Variants in USP20 observed in about 807,000 individuals in gnomAD.
The protein encoded by USP20 is ubiquitin specific peptidase 20.
USP20 carries 80 observed loss-of-function variants against 124.2 expected under a neutral mutation model. That is an observed-to-expected ratio of 0.64 (90% CI 0.54 to 0.78). USP20 has a LOEUF of 0.78. USP20 is among the 30% of genes least tolerant of loss of function. The pLI, the probability that USP20 is intolerant of heterozygous loss-of-function variation, is 0.00. For synonymous variants in USP20, 481 were observed against 512.3 expected (o/e 0.94, Z 0.83); for missense variants, 1,043 against 1,244.4 (o/e 0.84, Z 2.44).
chr9:129,870,661 A>G (rs2034077606), intron 15 of USP20, 114 bp downstream of exon 15: 3 of 1,214,920 alleles, frequency 2.5e-6, no homozygotes, highest in Non-Finnish European at 3.5e-6. Context: ...CAGCCAGGCT[A>G]GACTTGGCTT....
intron 1 of USP20, among the ~76,000 whole-genome samples, chr9:129,837,745 G>A (rs1365743203): frequency 6.6e-6 from 1 of 152,174 alleles, no homozygotes; most frequent in East Asian, 1.9e-4. Context: ...TAAAATTAGC[G>A]CATTCTGGTT....
chr9:129,876,477 A>G (rs1166120421), intron 22 of USP20, among the ~76,000 whole-genome samples: 3 of 152,244 alleles, frequency 2.0e-5, no homozygotes, highest in East Asian at 1.9e-4. Context: ...CGTCTCTACT[A>G]AAAATACAAA....
At chr9:129,868,778 G>GA in intron 11 of USP20, 84 bp from the exon 12 acceptor site, 1 of 1,495,864 alleles carries the variant, frequency 6.7e-7, no homozygotes, top group East Asian at 2.3e-5. Context: ...GTCCCTTTAG[G>GA]AGGGGCTGGC....
At chr9:129,869,567 G>T (rs748495359) in intron 13 of USP20, 105 bp from the exon 14 acceptor site, 39 of 1,553,164 alleles carry the variant, frequency 2.5e-5, no homozygotes, top group Middle Eastern at 1.7e-4. Flanking sequence ...TGGATCCCGT[G>T]TCTATGGCCT....
At chr9:129,846,257 T>A (rs1358313979) in intron 1 of USP20, among the ~76,000 whole-genome samples, 7 of 118,290 alleles carry the variant, frequency 5.9e-5, no homozygotes, top group Admixed American at 1.7e-4. Flanking sequence ...ATTTTTTTTT[T>A]TTTTTTTTTT....
rs148369043 is a variant in USP20, at chr9:129,837,948, T to A, written c.-129+2449T>A. ...AACAGTGATGAAAGAGCCAGGCTGT[T>A]CTTAGCCTTTTACCTTAGCAAGACA... On this transcript the variant is annotated intron_variant, in intron 1 of 25. Transcript: ENST00000372429. Among the ~76,000 whole-genome samples the A allele has an allele frequency of 4.8e-3, 734 of 152,292 alleles. 1 individual carries two copies. The highest frequency in any genetic ancestry group is 8.7e-3 in the Admixed American group (133 of 15,292).
intron 2 of USP20, among the ~76,000 whole-genome samples, chr9:129,851,997 C>T (rs999264149): frequency 8.2e-5 from 12 of 146,770 alleles, no homozygotes; most frequent in East Asian, 1.9e-4. Flanking sequence ...AACCTCACTC[C>T]GCAGGGGGCT....
intron 19 of USP20, 143 bp from the exon 20 acceptor site, chr9:129,875,167 T>G: frequency 8.1e-7 from 1 of 1,229,082 alleles, no homozygotes; most frequent in Non-Finnish European, 1.1e-6. Flanking sequence ...CACAGGGGGC[T>G]GCTCACATGT....
chr9:129,866,062 CG>C (rs1286055587), intron 10 of USP20, among the ~76,000 whole-genome samples: 14 of 152,342 alleles, frequency 9.2e-5, no homozygotes, highest in Admixed American at 9.1e-4. Flanking sequence ...ACCTCAGCCC[CG>C]GGCTGATGGC....
At chr9:129,837,188 CT>C (rs1186740738) in intron 1 of USP20, among the ~76,000 whole-genome samples, 1 of 152,202 alleles carries the variant, frequency 6.6e-6, no homozygotes, top group Non-Finnish European at 1.5e-5. Flanking sequence ...TGCCAAGAGA[CT>C]GCAGCCCAAG....
At chr9:129,870,288 G>C in intron 14 of USP20, 165 bp from the exon 15 acceptor site, 2 of 652,618 alleles carry the variant, frequency 3.1e-6, no homozygotes, top group South Asian at 1.9e-5. Context: ...GGACACGGAC[G>C]TGTCTGGCTC....
intron 14 of USP20, 90 bp downstream of exon 14, chr9:129,869,934 T>C: frequency 6.6e-7 from 1 of 1,507,362 alleles, no homozygotes; most frequent in South Asian, 1.2e-5. Context: ...AGTCCATGCA[T>C]TTGGGGAACC....
intron 10 of USP20, among the ~76,000 whole-genome samples, chr9:129,866,045 C>T (rs76311689): frequency 0.013 from 2,012 of 152,312 alleles, 20 homozygotes; most frequent in Middle Eastern, 0.024. Context: ...AGTGCAGCCA[C>T]GCGTACACCT....
Position 129,868,928 on chromosome 9 carries a change from G to A in USP20, c.1202G>A (p.Gly401Asp). The A allele has an allele frequency of 1.2e-6, 2 of 1,612,528 alleles. No individual in the cohort carries two copies. Among genetic ancestry groups the A allele is most frequent in the Non-Finnish European group, 1.7e-6 (2 of 1,179,224 alleles). The change falls in exon 12 of 26, where the codon GGC (glycine) becomes GAC (aspartate). Residue 401 changes from glycine to aspartate, a missense_variant. Coordinates refer to ENST00000372429, the MANE Select transcript of USP20 (RefSeq NM_001110303.4). ...TGCAGCCCCGTCCACCACCACGAGG[G>A]CCATGCCAAGCTGTCTAGCAGCCCC... ...RPCSPVHHHE[G>D]HAKLSSSPPR...
chr9:129,848,990 G>A (rs1486975807), intron 1 of USP20, among the ~76,000 whole-genome samples: 1 of 152,256 alleles, frequency 6.6e-6, no homozygotes, highest in Non-Finnish European at 1.5e-5. Flanking sequence ...TAGTGGCAAT[G>A]TGTGGATGAG....
chr9:129,846,247 A>ATATATATATGTATTTT (rs1554742656), intron 1 of USP20, among the ~76,000 whole-genome samples: 2 of 32,684 alleles, frequency 6.1e-5, no homozygotes. Context: ...ATATATATAT[A>ATATATATATGTATTTT]TTTTTTTTTT....
rs578239778 is a variant in USP20 at position 129,853,345 on chromosome 9, C to A, written c.81+709C>A. The stretch of plus-strand genomic sequence containing the variant: ...CTCTTTGGACATCAGTGCATAGAGA[C>A]AGCTTTCACATTTGTTACCTTGAAG... On this transcript the variant is annotated intron_variant, in intron 3 of 25. Coordinates refer to ENST00000372429, the MANE Select transcript of USP20 (RefSeq NM_001110303.4). Among the ~76,000 whole-genome samples the A allele has an allele frequency of 3.9e-5, 6 of 152,352 alleles. No individual in the cohort carries two copies. The South Asian group carries it at 1.2e-3, about 32-fold the overall frequency.
intron 1 of USP20, among the ~76,000 whole-genome samples, chr9:129,840,032 T>A (rs544135519): frequency 6.6e-6 from 1 of 152,244 alleles, no homozygotes; most frequent in African/African-American, 2.4e-5. Context: ...GTCTCAGGCC[T>A]TCCTCCCCCC....
rs1292821727 is a variant in USP20 at position 129,875,337 on chromosome 9, G to GC, written c.2077dup (p.Arg693ProfsTer152). 6.2e-7 allele frequency: 1 copy of GC among 1,611,646 alleles called. No homozygotes were observed. The highest frequency in any genetic ancestry group is 1.7e-5 in the Admixed American group (1 of 59,840). On this transcript the variant is annotated frameshift_variant, in exon 20 of 26. Coordinates refer to ENST00000372429, the MANE Select transcript of USP20 (RefSeq NM_001110303.4). LOFTEE classifies it high-confidence loss of function. ...AGAGCAGCGAGGAGGCCATGCGGGA[G>GC]CGACAGCAGGTGGTGTCCCTGGCCG... is the stretch of plus-strand genomic sequence containing the variant.
Sources: allele counts gnomAD v4.1 joint callset (sites outside exome capture counted in the v4.1 genomes callset), GRCh38; gene constraint gnomAD v4.1.1; transcripts MANE v1.5; gene names NCBI Gene and HGNC (gene_info 2026-07-23, HGNC 2026-07-21).